The following PRKCA variants were observed in gnomAD, a reference collection of about 807,000 sequenced individuals.
PRKCA encodes protein kinase C alpha type.
A neutral mutation model predicts 87.0 loss-of-function variants in PRKCA; 27 were observed. The ratio of observed to expected loss-of-function variants is 0.31; its 90% confidence interval spans 0.23 to 0.43. The LOEUF is 0.43. PRKCA is among the 20% of genes least tolerant of loss of function. The pLI, the probability that PRKCA is intolerant of heterozygous loss-of-function variation, is 1.00. For synonymous variants in PRKCA, 329 were observed against 311.1 expected, an observed-to-expected ratio of 1.06 and a Z score of -0.61; for missense variants, 518 against 852.3, an observed-to-expected ratio of 0.61 and a Z score of 4.88.
At position 66,785,984 on chromosome 17, in the gene PRKCA, A is replaced by G. The variant is rs564173697; in HGVS notation, c.1606-883A>G. Among the ~76,000 whole-genome samples the G allele has an allele frequency of 7.2e-5, 11 of 152,228 alleles. No individual in the cohort carries two copies. The East Asian group carries it at 1.7e-3, about 24-fold the overall frequency. On this transcript the variant is annotated intron_variant, in intron 14 of 16. Coordinates refer to ENST00000413366, the MANE Select transcript of PRKCA (RefSeq NM_002737.3). Reference sequence around the variant, plus strand: ...GCTGGGACTACAGGCGCTCGCCACCATGCCCGGCTAATTTTTTGTATTTTT... The same window carrying G: ...GCTGGGACTACAGGCGCTCGCCACCGTGCCCGGCTAATTTTTTGTATTTTT...
rs1245866620 is a variant in PRKCA, at chr17:66,439,931, CATA to C, written c.206-56265_206-56263del. ...TTGCGCCCCCATGCCCTAGAAATCCCATAATAAGTGCAACTGTCTCCTTCTGCT... is the reference window on the plus strand; with the variant it reads ...TTGCGCCCCCATGCCCTAGAAATCCCATAAGTGCAACTGTCTCCTTCTGCT... On this transcript the variant is annotated intron_variant, in intron 2 of 16. Coordinates refer to ENST00000413366, the MANE Select transcript of PRKCA (RefSeq NM_002737.3). 5.3e-5 allele frequency among the ~76,000 whole-genome samples: 8 copies of C among 152,258 alleles called. No individual in the cohort carries two copies. The East Asian group carries it at 1.5e-3, about 29-fold the overall frequency.
chr17:66,497,997 C>T (rs1345283615), intron 3 of PRKCA, among the ~76,000 whole-genome samples: 5 of 152,134 alleles, frequency 3.3e-5, no homozygotes, highest in African/African-American at 1.2e-4. Flanking sequence ...GCTCACAGGA[C>T]ATGGGAGCCA....
intron 8 of PRKCA, among the ~76,000 whole-genome samples, chr17:66,708,626 T>C (rs956492281): frequency 6.6e-6 from 1 of 152,204 alleles, no homozygotes; most frequent in Admixed American, 6.5e-5. Flanking sequence ...AGGTGACCTA[T>C]TGCAGATGGC....
intron 5 of PRKCA, among the ~76,000 whole-genome samples, chr17:66,650,859 T>C (rs1971573862): frequency 6.6e-6 from 1 of 152,202 alleles, no homozygotes; most frequent in Non-Finnish European, 1.5e-5. Flanking sequence ...ATGATAATCG[T>C]TCATTTTTTT....
intron 2 of PRKCA, among the ~76,000 whole-genome samples, chr17:66,308,141 T>C (rs964635029): frequency 3.3e-5 from 5 of 152,178 alleles, no homozygotes; most frequent in Non-Finnish European, 5.9e-5. Context: ...AAGAGCATTA[T>C]TGGACACTAG....
chr17:66,445,184 C>G (rs1353943104), intron 2 of PRKCA, among the ~76,000 whole-genome samples: 1 of 152,196 alleles, frequency 6.6e-6, no homozygotes, highest in Admixed American at 6.5e-5. Flanking sequence ...GCCTGTGTCA[C>G]TGTCTCTCTG....
At chr17:66,569,890 T>C (rs1419061231) in intron 3 of PRKCA, among the ~76,000 whole-genome samples, 1 of 152,206 alleles carries the variant, frequency 6.6e-6, no homozygotes, top group Non-Finnish European at 1.5e-5. Flanking sequence ...ACAGCAATTC[T>C]TCTCGTAGGT....
chr17:66,786,036 G>T (rs900250669), intron 14 of PRKCA, among the ~76,000 whole-genome samples: 5 of 152,132 alleles, frequency 3.3e-5, no homozygotes, highest in African/African-American at 1.2e-4. Flanking sequence ...CACCATGTTA[G>T]CCAGGATGGT....
At chr17:66,799,696 G>A (rs1222506414) in intron 16 of PRKCA, among the ~76,000 whole-genome samples, 1 of 150,036 alleles carries the variant, frequency 6.7e-6, no homozygotes, top group Non-Finnish European at 1.5e-5. Context: ...TGGTGGTGGT[G>A]GTGATGAGGG....
chr17:66,561,239 A>G (rs777170525), intron 3 of PRKCA, among the ~76,000 whole-genome samples: 2 of 152,244 alleles, frequency 1.3e-5, no homozygotes, highest in African/African-American at 2.4e-5. Context: ...TTAATGAAAG[A>G]TCTTGTGTTT....
intron 2 of PRKCA, among the ~76,000 whole-genome samples, chr17:66,464,463 G>A (rs983630277): frequency 1.3e-5 from 2 of 152,156 alleles, no homozygotes; most frequent in Non-Finnish European, 2.9e-5. Flanking sequence ...CTTCCAAAGT[G>A]GCTGTACCAT....
At chr17:66,412,434 C>T (rs1353900395) in intron 2 of PRKCA, among the ~76,000 whole-genome samples, 14 of 152,124 alleles carry the variant, frequency 9.2e-5, no homozygotes, top group Non-Finnish European at 2.9e-5. Context: ...GTTTTTCAGA[C>T]TTGGGCATTT....
rs1975563135 is a variant in PRKCA at position 66,792,435 on chromosome 17, G to A, written c.1854+3456G>A. ...AGAATCACTGACTTCCCTAAGGAGG[G>A]TAGAAGCATTCCACTGCTGGACAGC... On this transcript the variant is annotated intron_variant, in intron 16 of 16. Transcript: ENST00000413366. This position sits in a 1 kb window ranked among gnomAD's most constrained non-coding sequence, Gnocchi z 4.5. Among the ~76,000 whole-genome samples the A allele has an allele frequency of 6.6e-6, 1 of 152,196 alleles. No homozygotes were observed. Among genetic ancestry groups the A allele is most frequent in the African/African-American group, 2.4e-5 (1 of 41,438 alleles).
intron 3 of PRKCA, among the ~76,000 whole-genome samples, chr17:66,609,879 C>T (rs1970303746): frequency 6.6e-6 from 1 of 152,062 alleles, no homozygotes; most frequent in Non-Finnish European, 1.5e-5. Context: ...ACTCTCAACA[C>T]AAAGTGCTTC....
At chr17:66,695,631 C>G (rs1453449197) in intron 8 of PRKCA, among the ~76,000 whole-genome samples, 4 of 152,180 alleles carry the variant, frequency 2.6e-5, no homozygotes. Context: ...CTAAAAGCGC[C>G]TTGGCCTTTT....
intron 3 of PRKCA, among the ~76,000 whole-genome samples, chr17:66,606,782 A>G (rs1207061271): frequency 1.3e-5 from 2 of 152,178 alleles, no homozygotes; most frequent in African/African-American, 2.4e-5. Context: ...TGGCTATTCT[A>G]TTTTTAGAAA....
At chr17:66,563,987 C>CTTCCTTCA (rs1968799413) in intron 3 of PRKCA, among the ~76,000 whole-genome samples, 1 of 128,322 alleles carries the variant, frequency 7.8e-6, no homozygotes, top group Admixed American at 8.7e-5. Context: ...TCCTTCCTTC[C>CTTCCTTCA]TTCCTTCCTT....
intron 2 of PRKCA, among the ~76,000 whole-genome samples, chr17:66,310,936 C>A (rs771665861): frequency 9.2e-5 from 14 of 152,186 alleles, no homozygotes; most frequent in South Asian, 4.1e-4. Context: ...GAGGATCTGT[C>A]TGTCCTCCCT....
chr17:66,721,369 C>T, intron 8 of PRKCA, among the ~76,000 whole-genome samples: 2 of 146,262 alleles, frequency 1.4e-5, no homozygotes, highest in East Asian at 2.0e-4. Flanking sequence ...GCACTCCAGC[C>T]TGGGCAACAG....
Sources: gnomAD v4.1 joint callset for allele counts (sites outside exome capture counted in the v4.1 genomes callset) on GRCh38, gnomAD v4.1.1 for gene constraint, Gnocchi (gnomAD v3.1) non-coding constraint, MANE v1.5 for transcripts, NCBI Gene and HGNC (gene_info 2026-07-23, HGNC 2026-07-21) for gene names.